LRP12: variants seen among roughly 807,000 people sequenced by gnomAD.
The protein encoded by LRP12 is low-density lipoprotein receptor-related protein 12.
A neutral mutation model predicts 66.0 loss-of-function variants in LRP12; 14 were observed. The observed-to-expected ratio is 0.21, with a 90% confidence interval of 0.14 to 0.33. LRP12 has a LOEUF of 0.33. LRP12 is among the 10% of genes least tolerant of loss of function. The pLI, the probability that LRP12 is intolerant of heterozygous loss-of-function variation, is 1.00. For synonymous variants in LRP12, 357 were observed against 359.1 expected (o/e 0.99, Z 0.07); for missense variants, 889 against 1,053.4 (o/e 0.84, Z 2.16).
At chr8:104,535,612 C>T (rs906798167) in intron 1 of LRP12, among the ~76,000 whole-genome samples, 14 of 151,946 alleles carry the variant, frequency 9.2e-5, no homozygotes, top group African/African-American at 3.1e-4. Flanking sequence ...GCCTTACAAG[C>T]GTTCACTCAG....
At chr8:104,560,604 A>G (rs1177880068) in intron 1 of LRP12, among the ~76,000 whole-genome samples, 2 of 152,176 alleles carry the variant, frequency 1.3e-5, no homozygotes, top group African/African-American at 4.8e-5. Flanking sequence ...TCTTTTTGTG[A>G]AGTATGTTGA....
intron 6 of LRP12, among the ~76,000 whole-genome samples, chr8:104,492,424 AAAG>A (rs1281623168): frequency 6.6e-6 from 1 of 152,174 alleles, no homozygotes; most frequent in East Asian, 1.9e-4. Flanking sequence ...GTGGTTATAA[AAAG>A]AAGTATTCAA....
At chr8:104,504,555 C>G (rs528099824) in intron 3 of LRP12, 1 of 152,006 alleles carries the variant, frequency 6.6e-6, no homozygotes, top group Non-Finnish European at 1.5e-5. Flanking sequence ...CTCTTTAATT[C>G]AGGAGTTATT....
chr8:104,496,551 T>A (rs1810730396), intron 5 of LRP12, among the ~76,000 whole-genome samples: 1 of 152,180 alleles, frequency 6.6e-6, no homozygotes, highest in Non-Finnish European at 1.5e-5. Flanking sequence ...ATGCCCCAAT[T>A]CCTTCCTCCT....
chr8:104,567,764 A>C (rs1444889584), intron 1 of LRP12, among the ~76,000 whole-genome samples: 1 of 152,208 alleles, frequency 6.6e-6, no homozygotes, highest in Non-Finnish European at 1.5e-5. Context: ...CATTATTGAA[A>C]GAGATTAAAA....
chr8:104,572,469 A>G (rs1812096727), intron 1 of LRP12, among the ~76,000 whole-genome samples: 1 of 152,206 alleles, frequency 6.6e-6, no homozygotes, highest in South Asian at 2.1e-4. Flanking sequence ...ATAAAGAAAT[A>G]GTGAAAGAAA....
chr8:104,520,251 G>C (rs1021755911), intron 2 of LRP12, among the ~76,000 whole-genome samples: 2 of 151,872 alleles, frequency 1.3e-5, no homozygotes, highest in African/African-American at 4.8e-5. Flanking sequence ...CTTTTTTAAA[G>C]GGCTTATGAG....
intron 2 of LRP12, among the ~76,000 whole-genome samples, chr8:104,512,230 T>C (rs1185551309): frequency 6.6e-6 from 1 of 152,160 alleles, no homozygotes; most frequent in Non-Finnish European, 1.5e-5. Context: ...GGCAGGAGAA[T>C]TGCTTGAACC....
chr8:104,495,366 C>T, intron 5 of LRP12, 157 bp from the exon 6 acceptor site: 1 of 676,176 alleles, frequency 1.5e-6, no homozygotes, highest in Admixed American at 3.0e-5. Context: ...ATGTATTATC[C>T]CTACAGTGGG....
chr8:104,576,853 T>C (rs1275058604), intron 1 of LRP12, among the ~76,000 whole-genome samples: 1 of 152,138 alleles, frequency 6.6e-6, no homozygotes, highest in Non-Finnish European at 1.5e-5. Context: ...GTATGGTATC[T>C]TCAAGAGACT....
chr8:104,491,954 G>C (rs1363735558), intron 6 of LRP12, among the ~76,000 whole-genome samples: 1 of 151,450 alleles, frequency 6.6e-6, no homozygotes, highest in Non-Finnish European at 1.5e-5. Flanking sequence ...AAATGAGTTT[G>C]TGAAAACGAG....
intron 2 of LRP12, among the ~76,000 whole-genome samples, chr8:104,520,513 C>G (rs1182326294): frequency 6.6e-6 from 1 of 151,978 alleles, no homozygotes; most frequent in Non-Finnish European, 1.5e-5. Flanking sequence ...TCAGCTTTGA[C>G]ATAGTTTTTA....
intron 1 of LRP12, among the ~76,000 whole-genome samples, chr8:104,565,713 T>C (rs144450636): frequency 0.031 from 4,625 of 151,370 alleles, 235 homozygotes; most frequent in African/African-American, 0.11. Context: ...ACAAAAAAAT[T>C]AGCCAGGTGT....
At chr8:104,564,959 G>T (rs1164058513) in intron 1 of LRP12, among the ~76,000 whole-genome samples, 1 of 151,118 alleles carries the variant, frequency 6.6e-6, no homozygotes, top group Non-Finnish European at 1.5e-5. Flanking sequence ...ATAAATAGAC[G>T]TATTACAGAC....
At chr8:104,576,165 G>A (rs531010031) in intron 1 of LRP12, among the ~76,000 whole-genome samples, 1 of 152,206 alleles carries the variant, frequency 6.6e-6, no homozygotes, top group Non-Finnish European at 1.5e-5. Context: ...TGAAAGAGAT[G>A]GGGAAAATGG....
intron 2 of LRP12, among the ~76,000 whole-genome samples, chr8:104,527,794 G>A (rs1353591261): frequency 1.3e-5 from 2 of 151,698 alleles, no homozygotes; most frequent in Non-Finnish European, 2.9e-5. Flanking sequence ...TAACTAACCT[G>A]CACATTGTGC....
intron 1 of LRP12, among the ~76,000 whole-genome samples, chr8:104,582,882 T>C (rs923764391): frequency 6.6e-6 from 1 of 152,194 alleles, no homozygotes. Context: ...GATGATCTTA[T>C]GTCATATTAC....
intron 2 of LRP12, among the ~76,000 whole-genome samples, chr8:104,529,608 T>C (rs1811295689): frequency 6.6e-6 from 1 of 152,246 alleles, no homozygotes; most frequent in African/African-American, 2.4e-5. Flanking sequence ...TATATCTATC[T>C]AAATTTCCAA....
At chr8:104,521,526 TACTTTAAA>T (rs1322006757) in intron 2 of LRP12, among the ~76,000 whole-genome samples, 1 of 151,554 alleles carries the variant, frequency 6.6e-6, no homozygotes, top group Non-Finnish European at 1.5e-5. Context: ...GGGAGTTCGC[TACTTTAAA>T]ACTTTAAGTG....
Sources: allele counts gnomAD v4.1 joint callset (sites outside exome capture counted in the v4.1 genomes callset), GRCh38; gene constraint gnomAD v4.1.1; transcripts MANE v1.5; gene names NCBI Gene and HGNC (gene_info 2026-07-23, HGNC 2026-07-21).